MCPH1: variants seen among roughly 807,000 people sequenced by gnomAD.
MCPH1 encodes microcephalin.
MCPH1 carries 104 observed loss-of-function variants against 84.5 expected under a neutral mutation model. That is an observed-to-expected ratio of 1.23 (90% CI 1.05 to 1.45). The LOEUF (loss-of-function observed/expected upper bound fraction) is 1.45. MCPH1 is among the 40% of genes most tolerant of loss of function. The pLI is 0.00. For synonymous variants in MCPH1, 514 were observed against 366.8 expected, an observed-to-expected ratio of 1.40 and a Z score of -4.58; for missense variants, 1,498 against 1,005.7, an observed-to-expected ratio of 1.49 and a Z score of -6.62.
chr8:6,613,378 C>T (rs147844795), intron 12 of MCPH1, among the ~76,000 whole-genome samples: 1,547 of 152,174 alleles, frequency 0.01, 17 homozygotes, highest in Admixed American at 0.015. Flanking sequence ...CAGAGAAGCT[C>T]GGCATCTGAA....
intron 9 of MCPH1, among the ~76,000 whole-genome samples, chr8:6,457,625 T>A (rs1232642769): frequency 1.3e-5 from 2 of 152,018 alleles, no homozygotes; most frequent in Non-Finnish European, 2.9e-5. Context: ...AAATAAATGC[T>A]GATTTTCTGG....
chr8:6,527,491 G>C, intron 12 of MCPH1: 2 of 1,564,692 alleles, frequency 1.3e-6, no homozygotes, highest in Admixed American at 1.7e-5. Flanking sequence ...CATCATTTGA[G>C]ACCGACTTTC....
intron 5 of MCPH1, among the ~76,000 whole-genome samples, chr8:6,437,186 T>C (rs1421111587): frequency 1.3e-5 from 2 of 152,148 alleles, no homozygotes; most frequent in Non-Finnish European, 2.9e-5. Flanking sequence ...TGTCACAGAT[T>C]CTCTATTCTG....
chr8:6,444,921 C>G lies in MCPH1; in HGVS notation c.1199C>G (p.Pro400Arg). The G allele has an allele frequency of 6.2e-7, 1 of 1,614,144 alleles. No individual in the cohort carries two copies. Among genetic ancestry groups the G allele is most frequent in the Non-Finnish European group, 8.5e-7 (1 of 1,180,006 alleles). ...SEDRLQHVAG[P>R]ALEALSCGES... ...GACAGGCTGCAGCACGTGGCGGGAC[C>G]TGCCCTGGAGGCTCTTAGCTGTGGG... The change falls in exon 8 of 14, where the codon CCT (proline) becomes CGT (arginine). Residue 400 changes from proline to arginine, a missense_variant. Physicochemically the swap from Pro to Arg is moderately radical, Grantham distance 103. Transcript: ENST00000344683.
At position 6,499,931 on chromosome 8, in the gene MCPH1, T is replaced by C. The variant is rs575037500; in HGVS notation, c.2214+2T>C. The C allele has an allele frequency of 3.1e-6, 5 of 1,612,962 alleles. No homozygotes were observed. In the Admixed American group the frequency reaches 8.3e-5, roughly 27 times the overall value. ...TCTCACCACTTCCCTGCAGCTCCCGTAAGTCAGATGTTGTTTTACGATGGT... is the reference window on the plus strand; with the variant it reads ...TCTCACCACTTCCCTGCAGCTCCCGCAAGTCAGATGTTGTTTTACGATGGT... On this transcript the variant is annotated splice_donor_variant, in intron 12 of 13. Coordinates refer to ENST00000344683, the MANE Select transcript of MCPH1 (RefSeq NM_024596.5). LOFTEE classifies it high-confidence loss of function.
intron 11 of MCPH1, 151 bp downstream of exon 11, chr8:6,481,027 G>T (rs1051955176): frequency 2.0e-6 from 2 of 989,438 alleles, no homozygotes; most frequent in East Asian, 5.1e-5. Context: ...CTTTCCTCCT[G>T]TTGGTCTCCC....
chr8:6,557,651 T>C (rs955927482), intron 12 of MCPH1, among the ~76,000 whole-genome samples: 3 of 150,908 alleles, frequency 2.0e-5, no homozygotes, highest in Non-Finnish European at 2.9e-5. Context: ...AGAACAAATA[T>C]ATATTTTTTA....
At chr8:6,513,693 T>A (rs1274605979) in intron 12 of MCPH1, 3 of 1,611,300 alleles carry the variant, frequency 1.9e-6, no homozygotes, top group Non-Finnish European at 2.5e-6. Context: ...ATTGAGTTCT[T>A]CACTTGAGAG....
rs926557294 is a variant in MCPH1 at position 6,447,381 on chromosome 8, C to T, written c.1825+1834C>T. ...AACTGTACCTCCAAATCTTTAATGT[C>T]GAAATAAAGGGCTTTTTGCCATTTC... On this transcript the variant is annotated intron_variant, in intron 8 of 13. Transcript: ENST00000344683. 11 of 985,164 alleles carry T rather than the reference C, an allele frequency of 1.1e-5. No homozygotes were observed. The Admixed American group carries it at 2.5e-4, about 22-fold the overall frequency. The allele number at this position is 985,164 out of a possible 1,614,324, so 61.0% of individuals were successfully genotyped here. A position where few individuals can be genotyped will look rare whatever the true frequency, so the allele number is the denominator to read the frequency against.
intron 12 of MCPH1, among the ~76,000 whole-genome samples, chr8:6,579,733 C>A (rs1827398412): frequency 6.6e-6 from 1 of 152,196 alleles, no homozygotes; most frequent in Non-Finnish European, 1.5e-5. Flanking sequence ...AGGACACCAA[C>A]AGCTCTTTAC....
chr8:6,615,312 C>A (rs1370683673), intron 12 of MCPH1, among the ~76,000 whole-genome samples: 6 of 152,230 alleles, frequency 3.9e-5, no homozygotes, highest in African/African-American at 1.4e-4. Flanking sequence ...CTTTCCTGCC[C>A]ATGAAATGTG....
intron 12 of MCPH1, among the ~76,000 whole-genome samples, chr8:6,609,106 T>G (rs1028019364): frequency 6.6e-6 from 1 of 152,250 alleles, no homozygotes; most frequent in African/African-American, 2.4e-5. Flanking sequence ...TACAAATTTC[T>G]ATGCCACCTA....
rs570511077 is a variant in MCPH1, at chr8:6,444,910, C to T, written c.1188C>T (p.His396=). ...QLCRSEDRLQ[H]VAGPALEALS... ...GCAGGTCGGAAGACAGGCTGCAGCACGTGGCGGGACCTGCCCTGGAGGCTC... is the reference window on the plus strand; with the variant it reads ...GCAGGTCGGAAGACAGGCTGCAGCATGTGGCGGGACCTGCCCTGGAGGCTC... Residue 396 remains histidine (H), a synonymous_variant, in exon 8 of 14, where the codon CAC becomes CAT. Transcript: ENST00000344683. The T allele has an allele frequency of 3.1e-5, 50 of 1,614,094 alleles. No homozygotes were observed. Among genetic ancestry groups the T allele is most frequent in the Admixed American group, 2.3e-4 (14 of 60,032 alleles).
chr8:6,541,846 A>AT (rs1821635876), intron 12 of MCPH1, among the ~76,000 whole-genome samples: 1 of 151,892 alleles, frequency 6.6e-6, no homozygotes, highest in East Asian at 1.9e-4. Flanking sequence ...TCTACAGAAA[A>AT]TTTTTTTAAA....
chr8:6,512,687 A>G (rs544546702), intron 12 of MCPH1, among the ~76,000 whole-genome samples: 1 of 152,296 alleles, frequency 6.6e-6, no homozygotes, highest in South Asian at 2.1e-4. Context: ...TATCTTGCAC[A>G]CTAGGTTGTC....
chr8:6,476,773 A>G (rs1053293372), intron 9 of MCPH1, among the ~76,000 whole-genome samples: 1 of 152,192 alleles, frequency 6.6e-6, no homozygotes, highest in Non-Finnish European at 1.5e-5. Context: ...TGGTTATACT[A>G]CACAGTTGGT....
At chr8:6,427,836 A>T (rs1585691260) in intron 3 of MCPH1, among the ~76,000 whole-genome samples, 2 of 150,706 alleles carry the variant, frequency 1.3e-5, no homozygotes, top group Non-Finnish European at 2.9e-5. Context: ...TCTGTCGCCC[A>T]GACTGGAGTG....
chr8:6,634,230 G>C (rs1797374748), intron 13 of MCPH1, among the ~76,000 whole-genome samples: 1 of 152,142 alleles, frequency 6.6e-6, no homozygotes, highest in Admixed American at 6.5e-5. Context: ...AAAATTGAAG[G>C]GAACTGTGAA....
intron 12 of MCPH1, among the ~76,000 whole-genome samples, chr8:6,588,689 C>G (rs1828195009): frequency 6.6e-6 from 1 of 152,262 alleles, no homozygotes; most frequent in Non-Finnish European, 1.5e-5. Context: ...GGTACAAAGT[C>G]AATAGTCAAC....
Sources: allele counts gnomAD v4.1 joint callset (sites outside exome capture counted in the v4.1 genomes callset), GRCh38; gene constraint gnomAD v4.1.1; transcripts MANE v1.5; gene names NCBI Gene and HGNC (gene_info 2026-07-23, HGNC 2026-07-21).